ACCSL: variants seen among roughly 807,000 people sequenced by gnomAD.
ACCSL encodes the protein 1-aminocyclopropane-1-carboxylate synthase homolog (inactive) like.
ACCSL carries 55 observed loss-of-function variants against 61.7 expected under a neutral mutation model. The ratio of observed to expected loss-of-function variants is 0.89; its 90% CI spans 0.72 to 1.12. The LOEUF is 1.12. Among genes scored for constraint, ACCSL ranks in the 50% most tolerant of loss-of-function variants. The probability of loss-of-function intolerance (pLI) is 0.00; values close to 1 mark genes in which losing one functional copy is unlikely to be tolerated. For missense variants in ACCSL, 632 were observed against 698.0 expected, an observed-to-expected ratio of 0.91 and a Z score of 1.07; for synonymous variants, 258 against 264.3, an observed-to-expected ratio of 0.98 and a Z score of 0.23.
the ACCSL span, among the ~76,000 whole-genome samples, chr11:43,958,890 G>T: frequency 0.53 from 79,858 of 151,826 alleles, 21,377 homozygotes; most frequent in South Asian, 0.66. Context: ...AATTTTATTT[G>T]GGTTTCTCAA....
At chr11:43,985,805 G>C in the ACCSL span, among the ~76,000 whole-genome samples, 1 of 152,110 alleles carries the variant, frequency 6.6e-6, no homozygotes, top group Non-Finnish European at 1.5e-5. Context: ...CTGTACTTTG[G>C]GCCGGCGGAT....
At chr11:43,942,960 T>G in the ACCSL span, 1 of 1,484,588 alleles carries the variant, frequency 6.7e-7, no homozygotes, top group Non-Finnish European at 8.9e-7. Flanking sequence ...CAGGCGGTGA[T>G]GCCGCACTTC....
chr11:44,029,984 ATTTTATTTTATTTTATTT>A, the ACCSL span, among the ~76,000 whole-genome samples: 30 of 83,280 alleles, frequency 3.6e-4, no homozygotes, highest in African/African-American at 1.7e-3. Context: ...ATTTTATTTT[ATTTTATTTTATTTTATTT>A]TATTTTATTT....
chr11:43,983,581 C>A, the ACCSL span, among the ~76,000 whole-genome samples: 2 of 152,148 alleles, frequency 1.3e-5, no homozygotes, highest in Non-Finnish European at 2.9e-5. Flanking sequence ...ACGCACTGAA[C>A]AGATCGAGGT....
chr11:43,990,244 C>T, the ACCSL span, among the ~76,000 whole-genome samples: 1 of 152,208 alleles, frequency 6.6e-6, no homozygotes, highest in Non-Finnish European at 1.5e-5. Flanking sequence ...CGTTGCCTGG[C>T]TATCTTAGTC....
chr11:44,012,176 G>A, the ACCSL span, among the ~76,000 whole-genome samples: 2 of 152,232 alleles, frequency 1.3e-5, no homozygotes, highest in East Asian at 3.9e-4. Context: ...TCTCAATAGA[G>A]GTTCCCATTT....
At chr11:44,008,324 G>A in the ACCSL span, among the ~76,000 whole-genome samples, 1,313 of 152,322 alleles carry the variant, frequency 8.6e-3, 19 homozygotes, top group African/African-American at 0.03. Context: ...AAAGCTAAGA[G>A]AGGTGACATA....
the ACCSL span, among the ~76,000 whole-genome samples, chr11:43,939,063 C>T: frequency 2.0e-5 from 3 of 152,172 alleles, no homozygotes; most frequent in Non-Finnish European, 2.9e-5. Context: ...CTGTGTATCT[C>T]TTCTTGCAAA....
chr11:43,925,008 GCTTTCTCTCT>G, the ACCSL span: 1 of 171,786 alleles, frequency 5.8e-6, no homozygotes, highest in African/African-American at 2.3e-5. Flanking sequence ...TTTCTTCCCA[GCTTTCTCTCT>G]CTTTCTCTCA....
the ACCSL span, among the ~76,000 whole-genome samples, chr11:44,010,119 T>C: frequency 2.2e-3 from 341 of 152,282 alleles, 2 homozygotes; most frequent in South Asian, 4.3e-3. Flanking sequence ...GGTGGGGGGA[T>C]CACCTGAGGT....
At chr11:43,933,439 C>T in the ACCSL span, 931 of 244,374 alleles carry the variant, frequency 3.8e-3, 4 homozygotes, top group Non-Finnish European at 6.3e-3. Flanking sequence ...GTCTTGTTCC[C>T]TCCCCTCTCT....
At chr11:44,021,537 G>C in the ACCSL span, among the ~76,000 whole-genome samples, 3 of 152,082 alleles carry the variant, frequency 2.0e-5, no homozygotes, top group African/African-American at 7.2e-5. Flanking sequence ...TGGATGTATA[G>C]TTTGCAAAAA....
chr11:43,978,861 C>T, the ACCSL span, among the ~76,000 whole-genome samples: 1 of 131,122 alleles, frequency 7.6e-6, no homozygotes, highest in Non-Finnish European at 1.6e-5. Context: ...GTGTTCTTCA[C>T]ATTCTCCAGC....
chr11:44,002,491 G>T, the ACCSL span, among the ~76,000 whole-genome samples: 1 of 152,178 alleles, frequency 6.6e-6, no homozygotes, highest in African/African-American at 2.4e-5. Context: ...ATGTTTTTAA[G>T]TCGTCTTGAC....
At chr11:43,943,203 A>C in the ACCSL span, 2 of 1,522,900 alleles carry the variant, frequency 1.3e-6, no homozygotes, top group Admixed American at 4.2e-5. This position sits in a 1 kb window ranked among gnomAD's most constrained non-coding sequence, Gnocchi z 4.8. Flanking sequence ...CTGTCGCTGC[A>C]GCGGGAGCAG....
the ACCSL span, among the ~76,000 whole-genome samples, chr11:43,936,001 G>A: frequency 6.6e-6 from 1 of 152,238 alleles, no homozygotes; most frequent in Admixed American, 6.5e-5. Flanking sequence ...GCAAGAGGAA[G>A]CAGGACCCCC....
At chr11:43,982,408 A>G in the ACCSL span, among the ~76,000 whole-genome samples, 15 of 151,540 alleles carry the variant, frequency 9.9e-5, no homozygotes, top group Admixed American at 9.9e-4. Flanking sequence ...TTGTATTTTT[A>G]GTAGAGACAG....
the ACCSL span, among the ~76,000 whole-genome samples, chr11:43,940,534 T>TTA: frequency 1.3e-5 from 2 of 151,336 alleles, no homozygotes; most frequent in Admixed American, 6.6e-5. Flanking sequence ...TTTTTTTTTT[T>TTA]AATTTTTAGT....
the ACCSL span, among the ~76,000 whole-genome samples, chr11:44,035,895 G>A: frequency 4.4e-5 from 6 of 136,004 alleles, no homozygotes; most frequent in Non-Finnish European, 7.6e-5. Flanking sequence ...CCGAGATCAC[G>A]CCATTGCACT....
Sources: allele counts gnomAD v4.1 joint callset (sites outside exome capture counted in the v4.1 genomes callset), GRCh38; gene constraint gnomAD v4.1.1; non-coding constraint Gnocchi (gnomAD v3.1); transcripts MANE v1.5; gene names NCBI Gene and HGNC (gene_info 2026-07-23, HGNC 2026-07-21).